Variants in ROBO2 observed in about 807,000 individuals in gnomAD.
ROBO2 encodes roundabout homolog 2.
Under a neutral mutation model 160.8 loss-of-function variants are expected in ROBO2, and 53 were observed. That is an observed-to-expected ratio of 0.33 (90% CI 0.26 to 0.41). ROBO2 has a LOEUF of 0.41. Ranked by LOEUF, ROBO2 falls within the 10% of genes least tolerant of loss-of-function variation. ROBO2 has a pLI of 1.00. For missense variants in ROBO2, 1,577 were observed against 1,722.4 expected, an observed-to-expected ratio of 0.92 and a Z score of 1.49; for synonymous variants, 664 against 611.7, an observed-to-expected ratio of 1.09 and a Z score of -1.26.
chr3:76,100,983 A>G (rs2108163967), intron 2 of ROBO2, among the ~76,000 whole-genome samples: 1 of 152,300 alleles, frequency 6.6e-6, no homozygotes, highest in African/African-American at 2.4e-5. Context: ...AAGTAAATTA[A>G]CAAGATAATT....
chr3:76,395,980 G>A (rs1401279685), intron 2 of ROBO2, among the ~76,000 whole-genome samples: 1 of 152,116 alleles, frequency 6.6e-6, no homozygotes, highest in Non-Finnish European at 1.5e-5. Flanking sequence ...TATGAGGCCA[G>A]CATCATCCTG....
At chr3:76,701,399 C>A (rs186783722) in intron 2 of ROBO2, among the ~76,000 whole-genome samples, 116 of 152,054 alleles carry the variant, frequency 7.6e-4, no homozygotes, top group African/African-American at 2.7e-3. Flanking sequence ...TGTTTTGACT[C>A]CAGGTAAAAG....
At chr3:76,785,613 GTTCTAGAAGTTTAAA>G (rs1197658771) in intron 2 of ROBO2, among the ~76,000 whole-genome samples, 2 of 151,008 alleles carry the variant, frequency 1.3e-5, no homozygotes, top group African/African-American at 4.8e-5. Flanking sequence ...TACTGCAATT[GTTCTAGAAGTTTAAA>G]CAACTTAGAC....
At chr3:77,602,343 A>T (rs1045411816) in exon 20 of ROBO2, 1 of 1,614,014 alleles carries the variant, frequency 6.2e-7, no homozygotes, top group African/African-American at 1.3e-5. Flanking sequence ...AGGCTACCCC[A>T]TATGCCACGA....
chr3:76,711,899 C>T (rs2093301719), intron 2 of ROBO2, among the ~76,000 whole-genome samples: 1 of 152,192 alleles, frequency 6.6e-6, no homozygotes, highest in African/African-American at 2.4e-5. Context: ...CCTCCTTTCT[C>T]CAGTTGAGTG....
intron 2 of ROBO2, among the ~76,000 whole-genome samples, chr3:77,455,484 T>C (rs1282844114): frequency 1.3e-5 from 2 of 152,198 alleles, no homozygotes; most frequent in Non-Finnish European, 2.9e-5. Context: ...TAGGCTGGAA[T>C]GCAGTGGCAC....
In ROBO2 at chr3:77,302,208, C is replaced by G. The variant is rs572650909; in HGVS notation, c.389-175206C>G. ...CCTCCTGCCTTGGCCTCCCAAAGTG[C>G]TGGGATTACAGGTTTGAGCCACCAA... is the stretch of plus-strand genomic sequence containing the variant. On this transcript the variant is annotated intron_variant, in intron 2 of 25. Coordinates refer to ENST00000461745, the Ensembl canonical transcript of ROBO2. Among the ~76,000 whole-genome samples, 19 of 151,942 alleles carry G rather than the reference C, an allele frequency of 1.3e-4. 1 individual carries two copies. The South Asian group carries it at 3.9e-3, about 32-fold the overall frequency.
At chr3:77,472,037 G>T (rs1430314016) in intron 2 of ROBO2, among the ~76,000 whole-genome samples, 1 of 152,096 alleles carries the variant, frequency 6.6e-6, no homozygotes, top group African/African-American at 2.4e-5. Flanking sequence ...TCTTCCATTT[G>T]CTACTCACTG....
chr3:76,845,078 A>C (rs4114857), intron 2 of ROBO2, among the ~76,000 whole-genome samples: 19,324 of 151,936 alleles, frequency 0.13, 1,383 homozygotes, highest in East Asian at 0.24. Context: ...AGAATCAAAG[A>C]TTTTACAACC....
intron 2 of ROBO2, among the ~76,000 whole-genome samples, chr3:76,031,060 T>C (rs1368217047): frequency 6.6e-6 from 1 of 152,204 alleles, no homozygotes; most frequent in Non-Finnish European, 1.5e-5. Context: ...TGGTTTATAG[T>C]TCTCTCTGAA....
intron 2 of ROBO2, among the ~76,000 whole-genome samples, chr3:76,286,395 C>T (rs1708506676): frequency 6.6e-6 from 1 of 152,114 alleles, no homozygotes; most frequent in African/African-American, 2.4e-5. Flanking sequence ...GAAACTGATA[C>T]AGTGGTGTAA....
At chr3:76,493,622 G>A (rs986477207) in intron 2 of ROBO2, among the ~76,000 whole-genome samples, 10 of 151,432 alleles carry the variant, frequency 6.6e-5, no homozygotes, top group East Asian at 3.9e-4. Flanking sequence ...TACATTATGC[G>A]AAGCCTTCAG....
intron 4 of ROBO2, among the ~76,000 whole-genome samples, chr3:77,485,705 C>T (rs1484971196): frequency 2.0e-5 from 3 of 152,102 alleles, no homozygotes; most frequent in Non-Finnish European, 4.4e-5. Context: ...GCATCCTGTT[C>T]TTGTTTCATG....
chr3:77,100,719 A>G (rs2071797497), intron 2 of ROBO2, among the ~76,000 whole-genome samples: 1 of 152,196 alleles, frequency 6.6e-6, no homozygotes, highest in Admixed American at 6.5e-5. Flanking sequence ...GGGATGACAA[A>G]CATGTAAATA....
chr3:76,551,464 C>T (rs2083417094), intron 2 of ROBO2, among the ~76,000 whole-genome samples: 1 of 152,036 alleles, frequency 6.6e-6, no homozygotes, highest in African/African-American at 2.4e-5. Context: ...GGACGTGGGA[C>T]AAGAACTCAG....
intron 6 of ROBO2, among the ~76,000 whole-genome samples, chr3:77,523,441 C>A (rs1346308870): frequency 6.6e-6 from 1 of 151,362 alleles, no homozygotes. Flanking sequence ...TTGTGAAGTT[C>A]ATTGGCCTTA....
chr3:76,726,106 G>A (rs2093548772), intron 2 of ROBO2, among the ~76,000 whole-genome samples: 1 of 152,104 alleles, frequency 6.6e-6, no homozygotes, highest in African/African-American at 2.4e-5. Flanking sequence ...GTTAATTAAA[G>A]TAAATTACTT....
At chr3:76,127,919 G>C (rs181273341) in intron 2 of ROBO2, among the ~76,000 whole-genome samples, 165 of 101,046 alleles carry the variant, frequency 1.6e-3, no homozygotes, top group South Asian at 0.012. Context: ...TTTTTGAGAC[G>C]AAGTCCCACT....
chr3:76,100,443 A>G (rs1230041392), intron 2 of ROBO2, among the ~76,000 whole-genome samples: 1 of 152,196 alleles, frequency 6.6e-6, no homozygotes, highest in African/African-American at 2.4e-5. Context: ...GCAATATTGT[A>G]TGTATCTTTC....
Sources: gnomAD v4.1 joint callset for allele counts (sites outside exome capture counted in the v4.1 genomes callset) on GRCh38, gnomAD v4.1.1 for gene constraint, MANE v1.5 for transcripts, NCBI Gene and HGNC (gene_info 2026-07-23, HGNC 2026-07-21) for gene names.